The following NEB variants were observed in gnomAD, a reference collection of about 807,000 sequenced individuals.
NEB encodes the protein nemaline myopathy type 2.
Under a neutral mutation model 952.2 loss-of-function variants are expected in NEB, and 512 were observed. The ratio of observed to expected loss-of-function variants is 0.54; its 90% CI spans 0.50 to 0.58. The LOEUF (loss-of-function observed/expected upper bound fraction) is 0.58, where lower values mean the gene tolerates loss of function less well. Among genes scored for constraint, NEB ranks in the 20% least tolerant of loss-of-function variants. The probability of loss-of-function intolerance (pLI) is 0.00; values close to 1 mark genes in which losing one functional copy is unlikely to be tolerated. For missense variants in NEB, 8,428 were observed against 9,231.1 expected (o/e 0.91, Z 3.56); for synonymous variants, 2,900 against 3,149.8 (o/e 0.92, Z 2.66).
intron 64 of NEB, among the ~76,000 whole-genome samples, chr2:151,635,660 CA>C (rs1336403891): frequency 7.0e-6 from 1 of 142,838 alleles, no homozygotes; most frequent in African/African-American, 2.6e-5. Context: ...GAGCTGAGAT[CA>C]GGCCATTGCA....
intron 110 of NEB, 29 bp from the exon 111 acceptor site, chr2:151,568,745 G>A (rs1334189408): frequency 1.4e-6 from 2 of 1,473,540 alleles, no homozygotes; most frequent in Non-Finnish European, 1.9e-6. Flanking sequence ...CTTTTAGATA[G>A]TTGTAATTCC....
At chr2:151,572,146 A>C (rs2096650843) in intron 107 of NEB, among the ~76,000 whole-genome samples, 1 of 152,150 alleles carries the variant, frequency 6.6e-6, no homozygotes, top group Admixed American at 6.5e-5. Context: ...ACATGGTGAA[A>C]CCTTGTCTCT....
At chr2:151,705,196 C>T (rs1168972125) in intron 13 of NEB, among the ~76,000 whole-genome samples, 1 of 152,026 alleles carries the variant, frequency 6.6e-6, no homozygotes, top group East Asian at 1.9e-4. Context: ...TGAACTGGTA[C>T]TAAGAGTTAC....
In NEB at chr2:151,513,518, C is replaced by G. The variant is rs893343204; in HGVS notation, c.23241+62G>C. 16 of 1,224,606 alleles carry G rather than the reference C, an allele frequency of 1.3e-5. No homozygotes were observed. In the East Asian group the frequency reaches 3.2e-4, roughly 25 times the overall value. The allele number at this position is 1,224,606 out of a possible 1,614,324, so 75.9% of individuals were successfully genotyped here. A position where few individuals can be genotyped will look rare whatever the true frequency, so the allele number is the denominator to read the frequency against. On this transcript the variant is annotated intron_variant, in intron 160 of 181. Coordinates refer to ENST00000397345, the MANE Select transcript of NEB (RefSeq NM_001164508.2). The stretch of plus-strand genomic sequence containing the variant: ...CAATAAATCAGATGACAGAGGGACA[C>G]TTTATGTCCTTAAAGTTACAACTAC...
chr2:151,668,341 C>T (rs2099245852), intron 39 of NEB, among the ~76,000 whole-genome samples: 1 of 152,046 alleles, frequency 6.6e-6, no homozygotes, highest in East Asian at 1.9e-4. Flanking sequence ...TGTAGTACAA[C>T]TCAGCTTTAA....
chr2:151,578,141 T>G (rs1414566045), intron 105 of NEB, among the ~76,000 whole-genome samples: 1 of 152,214 alleles, frequency 6.6e-6, no homozygotes, highest in African/African-American at 2.4e-5. Context: ...GTCAGATAAT[T>G]TTTAAGTTAT....
In NEB at chr2:151,677,700, G is replaced by A. The variant is rs74320183; in HGVS notation, c.3639C>T (p.Val1213=). The A allele has an allele frequency of 3.1e-4, 505 of 1,613,854 alleles. 4 individuals carry two copies. The African/African-American group carries it at 6.3e-3, about 20-fold the overall frequency. Residue 1213 remains valine, a synonymous_variant, in exon 34 of 182, where the codon GTC becomes GTT. Transcript: ENST00000397345. ...IGWIPIGSLD[V]EKVKKAGDAL... ...CATCACCGGCCTTTTTAACTTTTTC[G>A]ACGTCGAGACTGCCAATAGGAATCC...
In NEB at chr2:151,485,723, T is replaced by G. The variant is rs1229967322; in HGVS notation, c.*37A>C. ...AAACCGAAACATTGACTGCAGGATC[T>G]GTAAGTCCTGCAGACAAGTGTGATG... On this transcript the variant is annotated 3_prime_UTR_variant, in exon 182 of 182. Coordinates refer to ENST00000397345, the MANE Select transcript of NEB (RefSeq NM_001164508.2). The G allele has an allele frequency of 6.4e-7, 1 of 1,566,852 alleles. No individual in the cohort carries two copies. Among genetic ancestry groups the G allele is most frequent in the East Asian group, 2.3e-5 (1 of 44,194 alleles).
Position 151,695,601 on chromosome 2 carries a change from C to T in NEB, c.1651G>A (p.Val551Ile). The T allele has an allele frequency of 1.2e-6, 2 of 1,613,750 alleles. No individual in the cohort carries two copies. Among genetic ancestry groups the T allele is most frequent in the Non-Finnish European group, 1.7e-6 (2 of 1,179,724 alleles). The change falls in exon 18 of 182, where the codon GTC becomes ATC. Residue 551 changes from valine to isoleucine, a missense_variant. Physicochemically the swap from Val to Ile is conservative, Grantham distance 29. Coordinates refer to ENST00000397345, the MANE Select transcript of NEB (RefSeq NM_001164508.2). ...ACATCACTCAAGTTATAGGCATTGA[C>T]TTTGTGCTGGATAAAAGCAGGAGTA... ...PDTPAFIQHK[V>I]NAYNLSDNLY...
intron 161 of NEB, among the ~76,000 whole-genome samples, chr2:151,512,188 G>A (rs771026990): frequency 2.0e-5 from 3 of 151,576 alleles, no homozygotes; most frequent in East Asian, 1.9e-4. Flanking sequence ...CTGCCACCAC[G>A]CCCGGCTAAT....
chr2:151,534,858 T>C (rs1372743607), intron 142 of NEB, among the ~76,000 whole-genome samples: 1 of 152,192 alleles, frequency 6.6e-6, no homozygotes, highest in East Asian at 1.9e-4. Flanking sequence ...GGTTGTCCAG[T>C]CTGGAAATCT....
intron 171 of NEB, chr2:151,497,354 CAGT>C (rs1226617460): frequency 3.1e-6 from 3 of 982,110 alleles, no homozygotes; most frequent in African/African-American, 1.8e-5. Context: ...AGTTAGAACT[CAGT>C]GGTGTTATCC....
intron 124 of NEB, among the ~76,000 whole-genome samples, chr2:151,559,748 C>T (rs1464960012): frequency 6.6e-6 from 1 of 152,058 alleles, no homozygotes; most frequent in Non-Finnish European, 1.5e-5. Flanking sequence ...AGTGAGAACA[C>T]ATGGACACAG....
chr2:151,541,357 T>G, intron 136 of NEB, 90 bp downstream of exon 136: 1 of 883,102 alleles, frequency 1.1e-6, no homozygotes, highest in Non-Finnish European at 1.8e-6. Context: ...CAACCAAGTG[T>G]GTGAGTCTGC....
chr2:151,534,427 G>T, intron 142 of NEB: 1 of 896,974 alleles, frequency 1.1e-6, no homozygotes, highest in Non-Finnish European at 1.8e-6. Flanking sequence ...CTCTAGTGGC[G>T]GGCTCCCAAC....
chr2:151,717,252 T>G (rs2099761526), intron 10 of NEB, among the ~76,000 whole-genome samples, 164 bp downstream of exon 10: 1 of 152,250 alleles, frequency 6.6e-6, no homozygotes, highest in African/African-American at 2.4e-5. Context: ...TCTTGACGTT[T>G]ATGGATGTAT....
At chr2:151,685,427 T>C (rs1013885971) in intron 27 of NEB, among the ~76,000 whole-genome samples, 1 of 152,200 alleles carries the variant, frequency 6.6e-6, no homozygotes, top group Non-Finnish European at 1.5e-5. Flanking sequence ...TTATTGGCTG[T>C]ATAGAGTCAT....
At chr2:151,638,616 C>A (rs1182964605) in intron 63 of NEB, among the ~76,000 whole-genome samples, 3 of 152,180 alleles carry the variant, frequency 2.0e-5, no homozygotes, top group African/African-American at 4.8e-5. Context: ...AGCTCCTTGT[C>A]ACTGGGAACC....
Position 151,524,627 on chromosome 2 carries a change from GA to G in NEB, c.22273-12del, listed in dbSNP as rs780267718. On this transcript the variant is annotated splice_polypyrimidine_tract_variant and intron_variant, in intron 151 of 181. Transcript: ENST00000397345. ...TTTTCTGTAAGCGACCTTTATTGGG[GA>G]AGAAAATGTTTACTCAAGAGAGAGG... 2 of 1,305,460 alleles carry G rather than the reference GA, an allele frequency of 1.5e-6. No individual in the cohort carries two copies. The highest frequency in any genetic ancestry group is 1.7e-5 in the Admixed American group (1 of 58,208). 80.9% of individuals were successfully genotyped at this position (1,305,460 alleles called of 1,614,324 possible).
Sources: allele counts gnomAD v4.1 joint callset (sites outside exome capture counted in the v4.1 genomes callset), GRCh38; gene constraint gnomAD v4.1.1; transcripts MANE v1.5; gene names NCBI Gene and HGNC (gene_info 2026-07-23, HGNC 2026-07-21).